Variants in CSPG4 observed in about 807,000 individuals in gnomAD.
CSPG4 encodes the protein chondroitin sulfate proteoglycan 4 (melanoma-associated).
CSPG4 carries 74 observed loss-of-function variants against 139.3 expected under a neutral mutation model. The observed-to-expected ratio is 0.53, with a 90% CI of 0.44 to 0.64. The LOEUF (loss-of-function observed/expected upper bound fraction) is 0.64, where lower values mean the gene tolerates loss of function less well. Ranked by LOEUF, CSPG4 falls within the 30% of genes least tolerant of loss-of-function variation. The pLI is 0.00. For missense variants in CSPG4, 2,565 were observed against 3,148.3 expected, an observed-to-expected ratio of 0.81 and a Z score of 4.43; for synonymous variants, 1,234 against 1,394.2, an observed-to-expected ratio of 0.89 and a Z score of 2.56.
intron 3 of CSPG4, among the ~76,000 whole-genome samples, chr15:75,686,389 G>A (rs1894057787): frequency 1.3e-5 from 2 of 152,072 alleles, no homozygotes; most frequent in Admixed American, 6.5e-5. Flanking sequence ...AGGGCGCCCC[G>A]CCCCACCCCT....
At chr15:75,695,383 T>C (rs1894212382) in intron 1 of CSPG4, among the ~76,000 whole-genome samples, 1 of 152,114 alleles carries the variant, frequency 6.6e-6, no homozygotes, top group Non-Finnish European at 1.5e-5. Context: ...TAGAGGTACT[T>C]TCCAGAGCGC....
Position 75,682,931 on chromosome 15 carries a change from C to T in CSPG4, c.4560G>A (p.Arg1520=), listed in dbSNP as rs771054582. The change falls in exon 6 of 10, where the codon CGG becomes CGA. Residue 1520 remains arginine, a synonymous_variant. Transcript: ENST00000308508. ...VYTIEQPSNG[R]VVLRGAPGTE... The stretch of plus-strand genomic sequence containing the variant: ...TGCCCGGCGCCCCCCGCAGCACTAC[C>T]CGCCCGTTGCTGGGCTGCTCGATGG... The T allele has an allele frequency of 1.2e-6, 2 of 1,611,350 alleles. No individual in the cohort carries two copies. Among genetic ancestry groups the T allele is most frequent in the Non-Finnish European group, 1.7e-6 (2 of 1,179,672 alleles).
intron 1 of CSPG4, among the ~76,000 whole-genome samples, chr15:75,706,871 AT>A (rs1257268654): frequency 6.6e-6 from 1 of 152,142 alleles, no homozygotes; most frequent in African/African-American, 2.4e-5. Context: ...TAATCTGAAA[AT>A]TCAAAATCCA....
At chr15:75,697,495 G>A (rs750273515) in intron 1 of CSPG4, among the ~76,000 whole-genome samples, 3 of 152,214 alleles carry the variant, frequency 2.0e-5, no homozygotes, top group Non-Finnish European at 2.9e-5. Flanking sequence ...AAGAGAAGCA[G>A]AAAGAGATCC....
chr15:75,702,121 G>C (rs1443235982), intron 1 of CSPG4, among the ~76,000 whole-genome samples: 3 of 152,208 alleles, frequency 2.0e-5, no homozygotes, highest in African/African-American at 7.2e-5. Flanking sequence ...CTTGCCTTTG[G>C]TGGCTCCCAT....
intron 1 of CSPG4, among the ~76,000 whole-genome samples, chr15:75,700,668 G>A (rs1355433887): frequency 6.6e-6 from 1 of 152,170 alleles, no homozygotes; most frequent in Admixed American, 6.5e-5. Context: ...GCAGCCCATG[G>A]CTCATCTCTG....
In CSPG4 at chr15:75,684,788, A is replaced by G. The variant is rs765964520; in HGVS notation, c.4397T>C (p.Val1466Ala). 40 of 1,613,580 alleles carry G rather than the reference A, an allele frequency of 2.5e-5. No homozygotes were observed. The highest frequency in any genetic ancestry group is 3.1e-5 in the Non-Finnish European group (36 of 1,179,912). ...QSHPVAFTVT[V>A]LPVNDQPPIL... ...GGGGGGTTGGTCATTGACAGGCAGG[A>G]CAGTGACAGTGAAGGCCACAGGATG... The change falls in exon 5 of 10, where the codon GTC (valine) becomes GCC (alanine). Residue 1466 changes from valine (V) to alanine (A), a missense_variant. Coordinates refer to ENST00000308508, the MANE Select transcript of CSPG4 (RefSeq NM_001897.5).
Position 75,677,158 on chromosome 15 carries a change from G to A in CSPG4, c.5361C>T (p.Ala1787=). 7.0e-7 allele frequency: 1 copy of A among 1,434,720 alleles called. No individual in the cohort carries two copies. The highest frequency in any genetic ancestry group is 9.2e-7 in the Non-Finnish European group (1 of 1,091,880). The allele number at this position is 1,434,720 out of a possible 1,614,324, so 88.9% of individuals were successfully genotyped here. The change falls in exon 10 of 10, where the codon GCC becomes GCT. Residue 1787 remains alanine (A), a synonymous_variant. Coordinates refer to ENST00000308508, the MANE Select transcript of CSPG4 (RefSeq NM_001897.5). The stretch of plus-strand genomic sequence containing the variant: ...CCTGCTGGGTGCCCCCACCGCCGTG[G>A]GCATACACTAGCTGCCCTGCAGCCA... The part of the protein sequence containing the change: ...SQLAAGQLVY[A]HGGGGTQQDG...
At position 75,689,455 on chromosome 15, in the gene CSPG4, C is replaced by T; in HGVS notation, c.1610G>A (p.Gly537Asp). 1 of 1,612,750 alleles carries T rather than the reference C, an allele frequency of 6.2e-7. No individual in the cohort carries two copies. Among genetic ancestry groups the T allele is most frequent in the Non-Finnish European group, 8.5e-7 (1 of 1,179,848 alleles). Residue 537 changes from glycine (G) to aspartate (D), a missense_variant, in exon 3 of 10, where the codon GGC (glycine) becomes GAC (aspartate). Coordinates refer to ENST00000308508, the MANE Select transcript of CSPG4 (RefSeq NM_001897.5). ...CTGGATGGGCAGGAGGTATGTTTGG[C>T]CCCTCCGAAGGCATGAGGGCATGGG... ...RVPMPSCLRR[G>D]QTYLLPIQVN...
chr15:75,700,026 C>T (rs1894280871), intron 1 of CSPG4, among the ~76,000 whole-genome samples: 1 of 152,166 alleles, frequency 6.6e-6, no homozygotes, highest in Admixed American at 6.5e-5. Context: ...TGCACAGCCC[C>T]CCAGCCCTAG....
At chr15:75,682,762 T>C (rs750961628) in intron 6 of CSPG4, 21 bp from the exon 7 acceptor site, 12 of 1,610,956 alleles carry the variant, frequency 7.4e-6, no homozygotes, top group Non-Finnish European at 1.0e-5. Context: ...GGGCATTGGG[T>C]CCAGCTGGCC....
intron 2 of CSPG4, among the ~76,000 whole-genome samples, chr15:75,691,901 C>T (rs768718544): frequency 3.3e-5 from 5 of 152,160 alleles, no homozygotes; most frequent in East Asian, 1.9e-4. Flanking sequence ...GCCTGCACCA[C>T]GCTGGTGTTT....
chr15:75,679,287 C>CCA (rs1893938651), intron 8 of CSPG4: 1 of 154,628 alleles, frequency 6.5e-6, no homozygotes, highest in South Asian at 2.0e-4. Flanking sequence ...AGGGCTCAGG[C>CCA]CACACCCTTG....
In CSPG4 at chr15:75,675,379, C is replaced by T; in HGVS notation, c.*171G>A. 1.6e-6 allele frequency: 1 copy of T among 641,792 alleles called. No individual in the cohort carries two copies. The highest frequency in any genetic ancestry group is 2.2e-6 in the Non-Finnish European group (1 of 445,428). The allele number at this position is 641,792 out of a possible 1,614,324, so 39.8% of individuals were successfully genotyped here. A position where few individuals can be genotyped will look rare whatever the true frequency, so the allele number is the denominator to read the frequency against. On this transcript the variant is annotated 3_prime_UTR_variant, in exon 10 of 10. Coordinates refer to ENST00000308508, the MANE Select transcript of CSPG4 (RefSeq NM_001897.5). The stretch of plus-strand genomic sequence containing the variant: ...CTGAGGGAGGTTCCAGCTCTTGACT[C>T]CACTCTGTCCCGGACCCCTGGGACT...
Position 75,677,044 on chromosome 15 carries a change from C to T in CSPG4, c.5475G>A (p.Val1825=), listed in dbSNP as rs201004206. 219 of 1,427,340 alleles carry T rather than the reference C, an allele frequency of 1.5e-4. No homozygotes were observed. In the African/African-American group the frequency reaches 2.1e-3, roughly 14 times the overall value. The allele number at this position is 1,427,340 out of a possible 1,614,324, so 88.4% of individuals were successfully genotyped here. The change falls in exon 10 of 10, where the codon GTG becomes GTA. Residue 1825 remains valine, a synonymous_variant. Coordinates refer to ENST00000308508, the MANE Select transcript of CSPG4 (RefSeq NM_001897.5). ...PQTSEAFAIT[V]RDVNERPPQP... ...GAGGGGGCCGCTCATTTACATCCCT[C>T]ACCGTGATGGCAAAGGCCTCTGAGG...
Position 75,688,197 on chromosome 15 carries a change from C to T in CSPG4, c.2868G>A (p.Met956Ile), listed in dbSNP as rs1324450459. Residue 956 changes from methionine to isoleucine, a missense_variant, in exon 3 of 10, where the codon ATG (methionine) becomes ATA (isoleucine). By Grantham distance (10) the Met-to-Ile change is conservative. This residue lies in a region of CSPG4 where 2,316 missense variants were observed against 2,818.2 expected (regional missense o/e 0.82). Transcript: ENST00000308508. ...GGTCTTCATTGGTGAAGGATGTCAC[C>T]ATAGTGGTCTTGTCCTGTGTCCCAC... ...AWRGTQDKTT[M>I]VTSFTNEDLL... is the part of the protein sequence containing the mutation. The T allele has an allele frequency of 2.5e-6, 4 of 1,612,848 alleles. No individual in the cohort carries two copies. The highest frequency in any genetic ancestry group is 2.2e-5 in the South Asian group (2 of 91,076).
chr15:75,685,242 G>A lies in CSPG4; in HGVS notation c.4249C>T (p.Leu1417Phe). Residue 1417 changes from leucine to phenylalanine, a missense_variant, in exon 4 of 10, where the codon CTC (leucine) becomes TTC (phenylalanine). By Grantham distance (22) the Leu-to-Phe change is conservative. Coordinates refer to ENST00000308508, the MANE Select transcript of CSPG4 (RefSeq NM_001897.5). ...QKEDGPQART[L>F]SAFSWRMVEE... ...ACCATTCTCCAGGAGAAGGCGCTGA[G>A]GGTCCTGGCTTGAGGTCCGTCCTCC... The A allele has an allele frequency of 6.6e-7, 1 of 1,524,174 alleles. No homozygotes were observed. Among genetic ancestry groups the A allele is most frequent in the African/African-American group, 1.4e-5 (1 of 72,282 alleles). 94.4% of individuals were successfully genotyped at this position (1,524,174 alleles called of 1,614,324 possible).
chr15:75,675,897 C>T lies in CSPG4; in HGVS notation c.6622G>A (p.Ala2208Thr), dbSNP rs200662034. The change falls in exon 10 of 10, where the codon GCT becomes ACT. Residue 2208 changes from alanine (A) to threonine (T), a missense_variant. Ala to Thr is a moderately conservative substitution (Grantham distance 58). This residue lies in a region of CSPG4 where 2,316 missense variants were observed against 2,818.2 expected (regional missense o/e 0.82). Coordinates refer to ENST00000308508, the MANE Select transcript of CSPG4 (RefSeq NM_001897.5). ...CTCAGGAAGCCTCCCTTGGCCACAG[C>T]GGGCTCAGGGCTGGATGCCATGGGG... ...PGPMASSPEPAVAKGGFLSFL... is the reference protein window; with the variant it reads ...PGPMASSPEPTVAKGGFLSFL... 4.1e-5 allele frequency: 65 copies of T among 1,603,942 alleles called. 1 individual carries two copies. The highest frequency in any genetic ancestry group is 4.2e-5 in the Non-Finnish European group (49 of 1,179,798).
Position 75,674,616 on chromosome 15 carries a change from A to G in CSPG4, c.*934T>C, listed in dbSNP as rs1410705873. ...TGCATAGTTAAGACACAAACACCAC[A>G]CAGCTGTCCAGAGCCTCCAAAGCAC... On this transcript the variant is annotated 3_prime_UTR_variant, in exon 10 of 10. Coordinates refer to ENST00000308508, the MANE Select transcript of CSPG4 (RefSeq NM_001897.5). 2.5e-6 allele frequency: 1 copy of G among 398,088 alleles called. No homozygotes were observed. Among genetic ancestry groups the G allele is most frequent in the East Asian group, 3.6e-5 (1 of 28,068 alleles). The allele number at this position is 398,088 out of a possible 1,614,324, so 24.7% of individuals were successfully genotyped here.
Sources: gnomAD v4.1 joint callset for allele counts (sites outside exome capture counted in the v4.1 genomes callset) on GRCh38, gnomAD v4.1.1 for gene constraint, gnomAD v4.1.1 regional missense constraint, MANE v1.5 for transcripts, NCBI Gene and HGNC (gene_info 2026-07-23, HGNC 2026-07-21) for gene names.